The following PPP2R3C variants were observed in gnomAD, a reference collection of about 807,000 sequenced individuals.
The protein encoded by PPP2R3C is protein phosphatase 2 regulatory subunit B''gamma, also known as serine/threonine-protein phosphatase 2A regulatory subunit B'' subunit gamma.
A neutral mutation model predicts 63.7 loss-of-function variants in PPP2R3C; 47 were observed. That is an observed-to-expected ratio of 0.74 (90% confidence interval 0.58 to 0.94). The LOEUF (loss-of-function observed/expected upper bound fraction) is 0.94, where lower values mean the gene tolerates loss of function less well. Among genes scored for constraint, PPP2R3C ranks in the 40% least tolerant of loss-of-function variants. PPP2R3C has a pLI of 0.00. For synonymous variants in PPP2R3C, 180 were observed against 177.4 expected, an observed-to-expected ratio of 1.01 and a Z score of -0.12; for missense variants, 421 against 518.4, an observed-to-expected ratio of 0.81 and a Z score of 1.82.
chr14:35,098,346 GTTTTTTTT>G lies in PPP2R3C; in HGVS notation c.706+898_706+905del, dbSNP rs376634061. Among the ~76,000 whole-genome samples the G allele has an allele frequency of 6.7e-4, 63 of 94,028 alleles. 1 individual carries two copies. The highest frequency in any genetic ancestry group is 3.9e-3 in the East Asian group (10 of 2,596). The allele number at this position is 94,028 out of a possible 152,430, so 61.7% of individuals were successfully genotyped here. A position where few individuals can be genotyped will look rare whatever the true frequency, so the allele number is the denominator to read the frequency against. ...AGCCGTGTGTCACTACGCCTGGCTA[GTTTTTTTT>G]TTTTTTTTTTTTTTTGAGACGGAAT... On this transcript the variant is annotated intron_variant, in intron 7 of 12. Transcript: ENST00000261475.
chr14:35,112,388 C>G (rs367697087), intron 2 of PPP2R3C, among the ~76,000 whole-genome samples: 1 of 152,208 alleles, frequency 6.6e-6, no homozygotes, highest in Non-Finnish European at 1.5e-5. Context: ...CAGGCATGAG[C>G]CACCACACCC....
chr14:35,090,237 G>GTTTTTTTTT (rs34745484), intron 11 of PPP2R3C, among the ~76,000 whole-genome samples: 2 of 116,892 alleles, frequency 1.7e-5, no homozygotes, highest in Non-Finnish European at 3.5e-5. Flanking sequence ...GGTAGTTGTA[G>GTTTTTTTTT]TTTTTTTTTT....
At chr14:35,112,273 T>G (rs2046586060) in intron 2 of PPP2R3C, among the ~76,000 whole-genome samples, 1 of 152,208 alleles carries the variant, frequency 6.6e-6, no homozygotes, top group South Asian at 2.1e-4. Context: ...TTCTTCTTTT[T>G]TAAATTAATA....
intron 1 of PPP2R3C, among the ~76,000 whole-genome samples, chr14:35,119,687 T>G (rs1461138465): frequency 6.6e-6 from 1 of 151,638 alleles, no homozygotes; most frequent in Non-Finnish European, 1.5e-5. Flanking sequence ...ATGGGTGATA[T>G]TAACAGCACG....
intron 12 of PPP2R3C, chr14:35,087,240 A>G (rs1229847930): frequency 6.6e-6 from 1 of 152,222 alleles, no homozygotes; most frequent in Non-Finnish European, 1.5e-5. Context: ...TTTTTGTAGT[A>G]AAATAACTAC....
chr14:35,115,507 G>A (rs1220515284), intron 2 of PPP2R3C, among the ~76,000 whole-genome samples: 1 of 152,026 alleles, frequency 6.6e-6, no homozygotes, highest in African/African-American at 2.4e-5. Context: ...CACCCAGGCT[G>A]GAGTGCAGTG....
intron 1 of PPP2R3C, among the ~76,000 whole-genome samples, chr14:35,121,021 G>C (rs1489999590): frequency 6.6e-6 from 1 of 152,014 alleles, no homozygotes; most frequent in Non-Finnish European, 1.5e-5. Flanking sequence ...GAGAATGAAC[G>C]TCCAGGAAAA....
chr14:35,118,758 A>T (rs997967021), intron 1 of PPP2R3C, among the ~76,000 whole-genome samples: 5 of 147,828 alleles, frequency 3.4e-5, no homozygotes, highest in Admixed American at 6.9e-5. Context: ...GGTTGAAGTG[A>T]TTCTCCTGCC....
At chr14:35,093,101 T>TA (rs1416388606) in intron 10 of PPP2R3C, among the ~76,000 whole-genome samples, 1 of 152,018 alleles carries the variant, frequency 6.6e-6, no homozygotes, top group African/African-American at 2.4e-5. Context: ...TAGTCCCAGC[T>TA]ACTCGGGAGG....
chr14:35,109,725 G>A, intron 4 of PPP2R3C, 94 bp downstream of exon 4: 1 of 1,016,400 alleles, frequency 9.8e-7, no homozygotes, highest in Non-Finnish European at 1.4e-6. Context: ...AAAACTGCTG[G>A]GATTACAGGT....
rs574008185 is a variant in PPP2R3C at position 35,120,496 on chromosome 14, C to T, written c.58+1406G>A. On this transcript the variant is annotated intron_variant, in intron 1 of 12. Coordinates refer to ENST00000261475, the MANE Select transcript of PPP2R3C (RefSeq NM_017917.4). ...TGCTGACCTCGTGATCCGCCCGCCT[C>T]GGCCTCCCAAAGTGCTGGGATTACA... Among the ~76,000 whole-genome samples, 2 of 152,060 alleles carry T rather than the reference C, an allele frequency of 1.3e-5. 1 individual carries two copies. Among genetic ancestry groups the T allele is most frequent in the South Asian group, 4.2e-4 (2 of 4,816 alleles).
rs1186110550 is a variant in PPP2R3C at position 35,094,969 on chromosome 14, G to A, written c.975+79C>T. 2.7e-5 allele frequency: 39 copies of A among 1,446,026 alleles called. No individual in the cohort carries two copies. In the Middle Eastern group the frequency reaches 1.2e-3, roughly 46 times the overall value. The allele number at this position is 1,446,026 out of a possible 1,614,324, so 89.6% of individuals were successfully genotyped here. ...ACTCTGTCTCAAAAAAAAAAGGGCT[G>A]TATTACATCAAGAAAAGGGTTTGTG... On this transcript the variant is annotated intron_variant, in intron 10 of 12. Transcript: ENST00000261475.
chr14:35,107,284 T>G lies in PPP2R3C; in HGVS notation c.573+20A>C. 1 of 1,539,666 alleles carries G rather than the reference T, an allele frequency of 6.5e-7. No individual in the cohort carries two copies. Among genetic ancestry groups the G allele is most frequent in the Non-Finnish European group, 9.0e-7 (1 of 1,112,680 alleles). ...AGTGTCTATAAGAGTTAATATAATA[T>G]CTATAAGGTTAACACTTACAGATTC... On this transcript the variant is annotated intron_variant, in intron 6 of 12. Transcript: ENST00000261475.
At chr14:35,115,558 A>G (rs2046686578) in intron 2 of PPP2R3C, among the ~76,000 whole-genome samples, 1 of 152,014 alleles carries the variant, frequency 6.6e-6, no homozygotes, top group Non-Finnish European at 1.5e-5. Flanking sequence ...TATTTTGTCT[A>G]TACGTCCCTT....
At chr14:35,109,758 T>C in intron 4 of PPP2R3C, 61 bp downstream of exon 4, 1 of 1,331,956 alleles carries the variant, frequency 7.5e-7, no homozygotes, top group Non-Finnish European at 1.1e-6. Context: ...GCCCAGCCAA[T>C]ATTTGAGGCA....
chr14:35,107,445 G>A (rs2046400296), intron 5 of PPP2R3C, 71 bp from the exon 6 acceptor site: 2 of 1,273,160 alleles, frequency 1.6e-6, no homozygotes, highest in Non-Finnish European at 2.3e-6. Context: ...GAGATAAAGA[G>A]CCAGATTTGA....
At chr14:35,099,205 A>G in intron 7 of PPP2R3C, 47 bp downstream of exon 7, 1 of 1,451,182 alleles carries the variant, frequency 6.9e-7, no homozygotes, top group South Asian at 1.5e-5. Context: ...AGATTTAGAT[A>G]TAATAATATC....
chr14:35,113,945 T>A (rs941750101), intron 2 of PPP2R3C, among the ~76,000 whole-genome samples: 4 of 152,066 alleles, frequency 2.6e-5, no homozygotes, highest in African/African-American at 9.7e-5. Flanking sequence ...TCTCTCTCCC[T>A]TTTGCATTGA....
chr14:35,100,989 T>C (rs1353009327), intron 6 of PPP2R3C: 1 of 152,130 alleles, frequency 6.6e-6, no homozygotes, highest in Non-Finnish European at 1.5e-5. Flanking sequence ...TATTCCTTTT[T>C]TTTCGAGATG....
Sources: gnomAD v4.1 joint callset for allele counts (sites outside exome capture counted in the v4.1 genomes callset) on GRCh38, gnomAD v4.1.1 for gene constraint, MANE v1.5 for transcripts, NCBI Gene and HGNC (gene_info 2026-07-23, HGNC 2026-07-21) for gene names.